KCNH1: variants seen among roughly 807,000 people sequenced by gnomAD.
The protein encoded by KCNH1 is voltage-gated delayed rectifier potassium channel KCNH1.
Under a neutral mutation model 69.2 loss-of-function variants are expected in KCNH1, and 27 were observed. The ratio of observed to expected loss-of-function variants is 0.39; its 90% CI spans 0.29 to 0.54. The LOEUF is 0.54. Among genes scored for constraint, KCNH1 ranks in the 20% least tolerant of loss-of-function variants. The pLI is 0.68. For missense variants in KCNH1, 798 were observed against 1,261.6 expected (o/e 0.63, Z 5.57); for synonymous variants, 456 against 487.7 (o/e 0.93, Z 0.86).
chr1:210,768,373 C>G (rs1188376083), intron 10 of KCNH1, among the ~76,000 whole-genome samples: 1 of 152,158 alleles, frequency 6.6e-6, no homozygotes, highest in Non-Finnish European at 1.5e-5. Context: ...AACTCAAATA[C>G]TCTGACTGCA....
At chr1:210,815,410 TGA>T (rs1183490910) in intron 7 of KCNH1, among the ~76,000 whole-genome samples, 1 of 152,158 alleles carries the variant, frequency 6.6e-6, no homozygotes, top group Admixed American at 6.6e-5. Context: ...CAGGTGAGAA[TGA>T]GAGAACCATC....
At chr1:211,023,823 T>C (rs1689633075) in intron 5 of KCNH1, among the ~76,000 whole-genome samples, 1 of 152,184 alleles carries the variant, frequency 6.6e-6, no homozygotes, top group South Asian at 2.1e-4. Flanking sequence ...ACATCTAATG[T>C]GCATCAATAA....
intron 7 of KCNH1, among the ~76,000 whole-genome samples, chr1:210,855,850 A>C (rs1323816175): frequency 1.3e-5 from 2 of 152,204 alleles, no homozygotes; most frequent in African/African-American, 4.8e-5. Context: ...ACCTGCAAGT[A>C]CTTGAGCTGT....
chr1:210,764,666 C>G (rs972694772), intron 10 of KCNH1, among the ~76,000 whole-genome samples: 1 of 152,078 alleles, frequency 6.6e-6, no homozygotes, highest in African/African-American at 2.4e-5. Context: ...AAAGAAATAC[C>G]ATCTCACACC....
chr1:210,967,624 C>T (rs1013174295), intron 6 of KCNH1, among the ~76,000 whole-genome samples: 10 of 152,066 alleles, frequency 6.6e-5, no homozygotes, highest in African/African-American at 2.4e-4. Context: ...ATCTGTTTCT[C>T]TTCAGTTCCA....
At chr1:210,980,225 A>G (rs775843824) in intron 6 of KCNH1, among the ~76,000 whole-genome samples, 3 of 152,220 alleles carry the variant, frequency 2.0e-5, no homozygotes, top group African/African-American at 7.2e-5. Flanking sequence ...ATATGAGCTC[A>G]ACTACAAACC....
chr1:210,960,866 C>T (rs150882341), intron 6 of KCNH1, among the ~76,000 whole-genome samples: 11 of 152,142 alleles, frequency 7.2e-5, no homozygotes, highest in African/African-American at 2.2e-4. Context: ...TATGTTCCTA[C>T]CAGAAATGTA....
intron 6 of KCNH1, among the ~76,000 whole-genome samples, chr1:210,963,216 A>G (rs553352531): frequency 6.6e-6 from 1 of 152,224 alleles, no homozygotes; most frequent in African/African-American, 2.4e-5. Context: ...GGAAAACTAA[A>G]AAAAACAGAA....
chr1:210,836,142 T>A (rs1217490994), intron 7 of KCNH1, among the ~76,000 whole-genome samples: 1 of 149,512 alleles, frequency 6.7e-6, no homozygotes, highest in Admixed American at 6.7e-5. Flanking sequence ...AATTTCTATA[T>A]TGGGCTTCAT....
chr1:210,730,021 A>G (rs965650485), intron 10 of KCNH1, among the ~76,000 whole-genome samples: 1 of 152,126 alleles, frequency 6.6e-6, no homozygotes, highest in African/African-American at 2.4e-5. Flanking sequence ...GGCCCTCTCT[A>G]TTCATTCCTG....
At chr1:211,002,192 TATA>T (rs535394844) in intron 6 of KCNH1, among the ~76,000 whole-genome samples, 58 of 151,736 alleles carry the variant, frequency 3.8e-4, no homozygotes, top group African/African-American at 1.0e-3. Context: ...GAACTTAAAG[TATA>T]ATAATAATAA....
At chr1:210,875,298 A>G (rs1355164064) in intron 7 of KCNH1, among the ~76,000 whole-genome samples, 1 of 152,232 alleles carries the variant, frequency 6.6e-6, no homozygotes, top group Non-Finnish European at 1.5e-5. Context: ...AAGAAAGCCT[A>G]TATGACCACT....
At chr1:210,871,976 G>A (rs1241095982) in intron 7 of KCNH1, among the ~76,000 whole-genome samples, 5 of 150,998 alleles carry the variant, frequency 3.3e-5, no homozygotes, top group East Asian at 2.0e-4. Flanking sequence ...TGGGTGCAGC[G>A]CACCAGCATG....
chr1:210,876,620 A>G (rs1574311916), intron 7 of KCNH1, among the ~76,000 whole-genome samples: 1 of 152,126 alleles, frequency 6.6e-6, no homozygotes, highest in African/African-American at 2.4e-5. Flanking sequence ...AGGTTCTTCT[A>G]TCTCTGTGGG....
chr1:210,918,064 C>A (rs1469156998), intron 7 of KCNH1, among the ~76,000 whole-genome samples: 1 of 152,272 alleles, frequency 6.6e-6, no homozygotes, highest in East Asian at 1.9e-4. Flanking sequence ...CTTAAATACT[C>A]TCAGGAAAAC....
intron 6 of KCNH1, among the ~76,000 whole-genome samples, chr1:210,991,509 A>G (rs1227247715): frequency 6.6e-6 from 1 of 152,096 alleles, no homozygotes; most frequent in Non-Finnish European, 1.5e-5. Flanking sequence ...TCAGTTAGAC[A>G]GGAGGAATAA....
At chr1:211,039,269 T>C (rs1010523743) in intron 5 of KCNH1, among the ~76,000 whole-genome samples, 1 of 152,244 alleles carries the variant, frequency 6.6e-6, no homozygotes, top group Non-Finnish European at 1.5e-5. Flanking sequence ...GTTTGGGAAC[T>C]TCCGCCTAGA....
intron 6 of KCNH1, among the ~76,000 whole-genome samples, chr1:211,007,851 A>G (rs369675007): frequency 6.0e-4 from 91 of 152,330 alleles, no homozygotes; most frequent in African/African-American, 2.0e-3. Context: ...CAAATTACAC[A>G]TATTAGATGG....
At chr1:210,808,353 C>A (rs1314102650) in intron 7 of KCNH1, among the ~76,000 whole-genome samples, 1 of 152,054 alleles carries the variant, frequency 6.6e-6, no homozygotes, top group Non-Finnish European at 1.5e-5. Context: ...CTGAGAGAAC[C>A]AGGCAGCAGG....
Sources: allele counts gnomAD v4.1 joint callset (sites outside exome capture counted in the v4.1 genomes callset), GRCh38; gene constraint gnomAD v4.1.1; transcripts MANE v1.5; gene names NCBI Gene and HGNC (gene_info 2026-07-23, HGNC 2026-07-21).